Variants in SHTN1 observed in about 807,000 individuals in gnomAD.
SHTN1 encodes the protein shootin 1.
Under a neutral mutation model 83.1 loss-of-function variants are expected in SHTN1, and 42 were observed. The observed-to-expected ratio is 0.51, with a 90% CI of 0.39 to 0.65. The LOEUF (loss-of-function observed/expected upper bound fraction) is 0.65. Ranked by LOEUF, SHTN1 falls within the 30% of genes least tolerant of loss-of-function variation. SHTN1 has a pLI of 0.00. For synonymous variants in SHTN1, 224 were observed against 247.7 expected, an observed-to-expected ratio of 0.90 and a Z score of 0.90; for missense variants, 622 against 737.8, an observed-to-expected ratio of 0.84 and a Z score of 1.82.
chr10:117,037,998 CAAAA>C (rs71013632), intron 2 of SHTN1, among the ~76,000 whole-genome samples: 57 of 75,482 alleles, frequency 7.6e-4, no homozygotes, highest in African/African-American at 2.5e-3. Flanking sequence ...AGCGAGACTT[CAAAA>C]AAAAAAAAAA....
At chr10:117,111,285 T>C (rs1481343665) in intron 1 of SHTN1, among the ~76,000 whole-genome samples, 1 of 152,032 alleles carries the variant, frequency 6.6e-6, no homozygotes, top group Non-Finnish European at 1.5e-5. Context: ...CCCAAGAATG[T>C]GCATTTCTTT....
intron 1 of SHTN1, among the ~76,000 whole-genome samples, chr10:117,114,479 T>G (rs1853814873): frequency 6.6e-6 from 1 of 152,148 alleles, no homozygotes; most frequent in Non-Finnish European, 1.5e-5. Flanking sequence ...CTTTCCCATA[T>G]TAAAGCCACT....
exon 1 of SHTN1, chr10:117,126,547 CT>C (rs1854013444): frequency 5.5e-5 from 1 of 18,222 alleles, no homozygotes; most frequent in Non-Finnish European, 1.1e-4. Flanking sequence ...CTCGCCTCGC[CT>C]CCTAGCACGC....
upstream of SHTN1, among the ~76,000 whole-genome samples, chr10:117,010,053 C>T (rs1852080447): frequency 6.6e-6 from 1 of 151,288 alleles, no homozygotes; most frequent in South Asian, 2.1e-4. Context: ...CAAAATAAAC[C>T]TAAAGTTAGC....
chr10:117,058,749 T>C lies in SHTN1; in HGVS notation c.-188-10239A>G, dbSNP rs76783881. On this transcript the variant is annotated intron_variant, in intron 1 of 17. Transcript: ENST00000392901. ...TAGCCAAAAGCAACCCAAGTATCCA[T>C]TGATAGATGAATGCGCAAGCAAAAT... Among the ~76,000 whole-genome samples, 591 of 152,272 alleles carry C rather than the reference T, an allele frequency of 3.9e-3. 2 individuals are homozygous for C. The highest frequency in any genetic ancestry group is 0.014 in the African/African-American group (568 of 41,560).
intron 3 of SHTN1, among the ~76,000 whole-genome samples, chr10:116,963,744 G>A (rs973078285): frequency 3.3e-5 from 5 of 152,102 alleles, no homozygotes; most frequent in Admixed American, 2.0e-4. Context: ...CCAGAAAACT[G>A]GAACATGGGG....
intron 2 of SHTN1, among the ~76,000 whole-genome samples, chr10:117,028,280 G>T (rs11818226): frequency 6.6e-6 from 1 of 152,140 alleles, no homozygotes; most frequent in African/African-American, 2.4e-5. Flanking sequence ...TGTGAGAAAA[G>T]AAATGACCTA....
At chr10:117,081,392 A>C (rs1853259261) in intron 1 of SHTN1, among the ~76,000 whole-genome samples, 1 of 134,148 alleles carries the variant, frequency 7.5e-6, no homozygotes, top group Non-Finnish European at 1.6e-5. Context: ...AGCCCACTTG[A>C]TCATGGTGGA....
At chr10:116,902,821 C>T (rs1847799510) in intron 15 of SHTN1, among the ~76,000 whole-genome samples, 1 of 152,172 alleles carries the variant, frequency 6.6e-6, no homozygotes, top group Non-Finnish European at 1.5e-5. Flanking sequence ...GTAAGAAGAG[C>T]ACAAAACTTG....
chr10:117,073,724 A>G (rs1290446109), intron 1 of SHTN1, among the ~76,000 whole-genome samples: 2 of 152,194 alleles, frequency 1.3e-5, no homozygotes, highest in African/African-American at 4.8e-5. Flanking sequence ...TGGCTGGAAG[A>G]CAACTCAGTA....
At chr10:116,964,173 G>C (rs1055295529) in intron 3 of SHTN1, among the ~76,000 whole-genome samples, 4 of 152,110 alleles carry the variant, frequency 2.6e-5, no homozygotes, top group African/African-American at 7.2e-5. Flanking sequence ...CTGTAGTATA[G>C]AATTGCTTAG....
chr10:117,041,277 T>C (rs1228155594), intron 2 of SHTN1, among the ~76,000 whole-genome samples: 1 of 152,198 alleles, frequency 6.6e-6, no homozygotes, highest in African/African-American at 2.4e-5. Flanking sequence ...TTTCCCAATC[T>C]AAGTATATCT....
chr10:116,946,788 G>T (rs927871323), intron 7 of SHTN1, among the ~76,000 whole-genome samples: 1 of 151,334 alleles, frequency 6.6e-6, no homozygotes, highest in Non-Finnish European at 1.5e-5. Context: ...TGCAATCTTG[G>T]TTCACTGCAA....
intron 2 of SHTN1, among the ~76,000 whole-genome samples, chr10:117,037,850 A>G (rs2133577839): frequency 6.6e-6 from 1 of 151,924 alleles, no homozygotes. Flanking sequence ...TACTAAAAAT[A>G]CAAAAATTAG....
intron 1 of SHTN1, among the ~76,000 whole-genome samples, chr10:117,121,146 C>A (rs1853918756): frequency 6.6e-6 from 1 of 151,750 alleles, no homozygotes; most frequent in Non-Finnish European, 1.5e-5. Flanking sequence ...TCACAGGTAC[C>A]CCAAAACTAT....
chr10:117,049,375 AC>A (rs1401566998), intron 1 of SHTN1, among the ~76,000 whole-genome samples: 2 of 151,836 alleles, frequency 1.3e-5, no homozygotes, highest in Middle Eastern at 3.2e-3. Flanking sequence ...AACAACAACA[AC>A]AACAAAAAAA....
chr10:117,084,713 G>A (rs545868651), intron 1 of SHTN1, among the ~76,000 whole-genome samples: 83 of 152,312 alleles, frequency 5.4e-4, no homozygotes, highest in African/African-American at 1.9e-3. Context: ...GACCCTCCGA[G>A]CCAGGTGCAG....
chr10:117,062,801 C>T (rs1852922858), intron 1 of SHTN1, among the ~76,000 whole-genome samples: 1 of 152,112 alleles, frequency 6.6e-6, no homozygotes, highest in African/African-American at 2.4e-5. Flanking sequence ...CTGAGCCAAA[C>T]AGTTTGAGAG....
intron 2 of SHTN1, among the ~76,000 whole-genome samples, chr10:117,044,513 G>A (rs534050294): frequency 6.6e-6 from 1 of 152,088 alleles, no homozygotes; most frequent in African/African-American, 2.4e-5. Flanking sequence ...TCTCAAAACT[G>A]CAATAAATAC....
Sources: allele counts gnomAD v4.1 joint callset (sites outside exome capture counted in the v4.1 genomes callset), GRCh38; gene constraint gnomAD v4.1.1; transcripts MANE v1.5; gene names NCBI Gene and HGNC (gene_info 2026-07-23, HGNC 2026-07-21).